DIS3L2: variants seen among roughly 807,000 people sequenced by gnomAD.
DIS3L2 encodes DIS3 like 3'-5' exoribonuclease 2.
In DIS3L2, 34 loss-of-function variants were observed where a neutral mutation model predicts 97.5. That is an observed-to-expected ratio of 0.35 (90% CI 0.27 to 0.46). The LOEUF (loss-of-function observed/expected upper bound fraction) is 0.46. Ranked by LOEUF, DIS3L2 falls within the 20% of genes least tolerant of loss-of-function variation. The probability of loss-of-function intolerance (pLI) is 1.00; values close to 1 mark genes in which losing one functional copy is unlikely to be tolerated. For missense variants in DIS3L2, 1,038 were observed against 1,146.0 expected (o/e 0.91, Z 1.36); for synonymous variants, 435 against 445.2 (o/e 0.98, Z 0.29).
chr2:232,247,362 A>G (rs950714201), intron 11 of DIS3L2, among the ~76,000 whole-genome samples: 7 of 152,238 alleles, frequency 4.6e-5, no homozygotes, highest in Admixed American at 3.3e-4. Flanking sequence ...AGAATCCCAT[A>G]TCAAGGTGCT....
intron 9 of DIS3L2, among the ~76,000 whole-genome samples, chr2:232,192,334 A>C (rs887416730): frequency 6.6e-6 from 1 of 152,188 alleles, no homozygotes; most frequent in Admixed American, 6.5e-5. Flanking sequence ...CTGAGGGGGA[A>C]GAACTGGGAC....
intron 10 of DIS3L2, among the ~76,000 whole-genome samples, chr2:232,221,523 G>C (rs1241009542): frequency 6.6e-6 from 1 of 152,204 alleles, no homozygotes; most frequent in Non-Finnish European, 1.5e-5. Context: ...AAAAATTCCA[G>C]CTGGGCACAG....
chr2:232,001,557 CTTTTTTTTTTTTT>C (rs57766848), intron 1 of DIS3L2, among the ~76,000 whole-genome samples: 73 of 61,932 alleles, frequency 1.2e-3, no homozygotes, highest in African/African-American at 6.1e-3. Flanking sequence ...TGCCATTTGT[CTTTTTTTTTTTTT>C]TTTTTTTTTT....
intron 1 of DIS3L2, among the ~76,000 whole-genome samples, chr2:231,988,180 C>T (rs955956540): frequency 1.2e-4 from 18 of 152,158 alleles, no homozygotes; most frequent in Non-Finnish European, 2.2e-4. Flanking sequence ...GTCTACCTGA[C>T]GTTTTATAAC....
At chr2:232,275,215 C>T (rs533238213) in intron 13 of DIS3L2, among the ~76,000 whole-genome samples, 75 of 152,312 alleles carry the variant, frequency 4.9e-4, no homozygotes, top group African/African-American at 1.7e-3. Context: ...GTGCCTGGTG[C>T]GGAACACCAT....
At chr2:232,241,832 A>G (rs983955001) in intron 11 of DIS3L2, among the ~76,000 whole-genome samples, 2 of 152,262 alleles carry the variant, frequency 1.3e-5, no homozygotes, top group Admixed American at 6.5e-5. Flanking sequence ...ATTAAGCTTT[A>G]AAAGTAAAAG....
intron 12 of DIS3L2, chr2:232,260,482 A>G (rs367981964): frequency 1.3e-5 from 2 of 152,384 alleles, no homozygotes; most frequent in Non-Finnish European, 1.5e-5. Flanking sequence ...TGCCCACAGC[A>G]CACACATGCT....
chr2:232,165,482 G>A (rs1195194279), intron 9 of DIS3L2, among the ~76,000 whole-genome samples: 1 of 152,190 alleles, frequency 6.6e-6, no homozygotes, highest in African/African-American at 2.4e-5. Flanking sequence ...CAACAGGGAA[G>A]TGAACTTTGA....
chr2:232,213,661 G>GTTTTTTTTTT (rs67846645), intron 10 of DIS3L2, among the ~76,000 whole-genome samples: 9 of 80,728 alleles, frequency 1.1e-4, no homozygotes, highest in South Asian at 6.4e-4. Context: ...ATCATCTGTA[G>GTTTTTTTTTT]TTTTTTTTTT....
chr2:232,163,808 A>G (rs916109978), intron 9 of DIS3L2, among the ~76,000 whole-genome samples, 176 bp downstream of exon 9: 2 of 152,198 alleles, frequency 1.3e-5, no homozygotes, highest in Non-Finnish European at 2.9e-5. Context: ...CTAGCCTACT[A>G]CCTGTTTATG....
intron 5 of DIS3L2, among the ~76,000 whole-genome samples, chr2:232,031,690 C>G (rs1428000840): frequency 6.6e-6 from 1 of 151,846 alleles, no homozygotes; most frequent in Non-Finnish European, 1.5e-5. Flanking sequence ...TGTGATGTTC[C>G]CCTCACTGTG....
chr2:231,988,813 A>G (rs1049421926), intron 1 of DIS3L2, among the ~76,000 whole-genome samples: 4 of 152,246 alleles, frequency 2.6e-5, no homozygotes, highest in African/African-American at 9.6e-5. Context: ...AAAAAAATAA[A>G]TAACTAACAC....
intron 12 of DIS3L2, among the ~76,000 whole-genome samples, chr2:232,251,965 G>T (rs919035619): frequency 6.6e-6 from 1 of 150,452 alleles, no homozygotes; most frequent in Non-Finnish European, 1.5e-5. Context: ...GAAGAAAGAG[G>T]AAGACATGGG....
At chr2:232,226,401 C>CT (rs1398044835) in intron 10 of DIS3L2, among the ~76,000 whole-genome samples, 2 of 152,202 alleles carry the variant, frequency 1.3e-5, no homozygotes, top group East Asian at 3.8e-4. Context: ...TTTAACCTCT[C>CT]TGAGTCTGAA....
At chr2:232,113,597 G>A (rs1018437915) in intron 6 of DIS3L2, among the ~76,000 whole-genome samples, 6 of 152,100 alleles carry the variant, frequency 3.9e-5, no homozygotes, top group African/African-American at 1.4e-4. Flanking sequence ...TTAAGATTAA[G>A]GTATTATAAA....
At chr2:232,096,007 T>G (rs2106318351) in intron 6 of DIS3L2, among the ~76,000 whole-genome samples, 1 of 152,056 alleles carries the variant, frequency 6.6e-6, no homozygotes, top group East Asian at 1.9e-4. Context: ...TTTTCTTTCT[T>G]TCTTTTTTTC....
At chr2:232,136,328 C>T (rs1483952392) in intron 7 of DIS3L2, 144 bp from the exon 8 acceptor site, 9 of 980,698 alleles carry the variant, frequency 9.2e-6, no homozygotes, top group Non-Finnish European at 1.4e-5. Flanking sequence ...TACTAAGTCA[C>T]AGATCATCAC....
chr2:232,024,750 C>CT (rs548299061), intron 4 of DIS3L2, among the ~76,000 whole-genome samples: 1,781 of 145,794 alleles, frequency 0.012, 21 homozygotes, highest in Non-Finnish European at 0.017. Context: ...ACGTGTAATG[C>CT]TTTTTTTTTT....
intron 1 of DIS3L2, among the ~76,000 whole-genome samples, chr2:231,993,907 C>G (rs1693654899): frequency 6.6e-6 from 1 of 150,822 alleles, no homozygotes; most frequent in African/African-American, 2.4e-5. Context: ...TCTTTTTTTT[C>G]CTTTGTGAAT....
Sources: gnomAD v4.1 joint callset for allele counts (sites outside exome capture counted in the v4.1 genomes callset) on GRCh38, gnomAD v4.1.1 for gene constraint, MANE v1.5 for transcripts, NCBI Gene and HGNC (gene_info 2026-07-23, HGNC 2026-07-21) for gene names.